Variants in CHCHD3 observed in about 807,000 individuals in gnomAD.
CHCHD3 encodes the protein coiled-coil-helix-coiled-coil-helix domain containing 3.
CHCHD3 carries 20 observed loss-of-function variants against 38.2 expected under a neutral mutation model. The observed-to-expected ratio is 0.52, with a 90% CI of 0.37 to 0.76. The LOEUF (loss-of-function observed/expected upper bound fraction) is 0.76, where lower values mean the gene tolerates loss of function less well. CHCHD3 is among the 30% of genes least tolerant of loss of function. The pLI, the probability that CHCHD3 is intolerant of heterozygous loss-of-function variation, is 0.00. For synonymous variants in CHCHD3, 82 were observed against 100.0 expected, an observed-to-expected ratio of 0.82 and a Z score of 1.07; for missense variants, 245 against 279.2, an observed-to-expected ratio of 0.88 and a Z score of 0.87.
chr7:132,840,647 G>A (rs1807917457), intron 5 of CHCHD3, among the ~76,000 whole-genome samples: 1 of 152,158 alleles, frequency 6.6e-6, no homozygotes, highest in Non-Finnish European at 1.5e-5. Context: ...AGAGAGCTGT[G>A]AAATCTGTTA....
chr7:133,081,001 G>A (rs1260067293), intron 1 of CHCHD3, among the ~76,000 whole-genome samples: 1 of 152,114 alleles, frequency 6.6e-6, no homozygotes, highest in Non-Finnish European at 1.5e-5. Context: ...CCAAATTCAG[G>A]CGCAGCGGAG....
intron 5 of CHCHD3, among the ~76,000 whole-genome samples, chr7:132,860,448 C>T (rs534911178): frequency 1.3e-5 from 2 of 152,104 alleles, no homozygotes; most frequent in African/African-American, 4.8e-5. Context: ...GCCAGAGATA[C>T]AGGAATCATC....
At chr7:133,050,367 A>AAAAAAAAAAAAC in intron 2 of CHCHD3, among the ~76,000 whole-genome samples, 1 of 144,668 alleles carries the variant, frequency 6.9e-6, no homozygotes, top group Non-Finnish European at 1.5e-5. Context: ...AAAAAAAAAA[A>AAAAAAAAAAAAC]AAAAAAAATG....
intron 6 of CHCHD3, among the ~76,000 whole-genome samples, chr7:132,821,479 G>A (rs1807372600): frequency 6.6e-6 from 1 of 152,024 alleles, no homozygotes; most frequent in Non-Finnish European, 1.5e-5. Context: ...TGACATTATG[G>A]CGTGGAAAAA....
At chr7:132,854,607 T>A (rs1340961156) in intron 5 of CHCHD3, among the ~76,000 whole-genome samples, 1 of 152,180 alleles carries the variant, frequency 6.6e-6, no homozygotes, top group Non-Finnish European at 1.5e-5. Flanking sequence ...ACAAACCAAT[T>A]TTAAATTATG....
chr7:132,974,799 C>A (rs541645317), intron 4 of CHCHD3, among the ~76,000 whole-genome samples: 1 of 151,658 alleles, frequency 6.6e-6, no homozygotes. Flanking sequence ...ACTTGAACCC[C>A]GGAGGCGGAG....
At chr7:132,957,456 C>T (rs1811208961) in intron 4 of CHCHD3, among the ~76,000 whole-genome samples, 1 of 152,000 alleles carries the variant, frequency 6.6e-6, no homozygotes, top group African/African-American at 2.4e-5. Context: ...GGGCACACAC[C>T]CTCTGGGGCA....
intron 6 of CHCHD3, among the ~76,000 whole-genome samples, chr7:132,824,496 A>G (rs1807459623): frequency 6.6e-6 from 1 of 151,882 alleles, no homozygotes; most frequent in Admixed American, 6.6e-5. Flanking sequence ...TTTTCTGTTT[A>G]GTAAAGACAG....
At chr7:132,910,972 AAACT>A (rs1283556435) in intron 4 of CHCHD3, among the ~76,000 whole-genome samples, 1 of 152,238 alleles carries the variant, frequency 6.6e-6, no homozygotes, top group East Asian at 1.9e-4. Context: ...AGGAGAAGAA[AAACT>A]AACAGAAAAC....
intron 3 of CHCHD3, among the ~76,000 whole-genome samples, chr7:132,996,211 C>T (rs1226628523): frequency 6.6e-6 from 1 of 152,162 alleles, no homozygotes; most frequent in Non-Finnish European, 1.5e-5. Flanking sequence ...TTTCTTCTTT[C>T]CCCTAATGAA....
intron 6 of CHCHD3, among the ~76,000 whole-genome samples, chr7:132,818,596 GACAGTT>G (rs1315151480): frequency 6.6e-6 from 1 of 152,156 alleles, no homozygotes; most frequent in Non-Finnish European, 1.5e-5. Context: ...GTTCTTGATA[GACAGTT>G]ACCTGACTTG....
At chr7:132,957,157 G>A (rs1172987659) in intron 4 of CHCHD3, among the ~76,000 whole-genome samples, 1 of 152,184 alleles carries the variant, frequency 6.6e-6, no homozygotes, top group Non-Finnish European at 1.5e-5. Context: ...CCTGGAGGCT[G>A]GTTCTGACTC....
Position 132,864,146 on chromosome 7 carries a change from A to G in CHCHD3, c.453+21516T>C, listed in dbSNP as rs574286056. On this transcript the variant is annotated intron_variant, in intron 5 of 7. Coordinates refer to ENST00000262570, the MANE Select transcript of CHCHD3 (RefSeq NM_017812.4). ...CCTAGGCTTTGCACATATCCTTCTC[A>G]TTAAGCTTAATCATTTCTAGCTTTT... Among the ~76,000 whole-genome samples the G allele has an allele frequency of 2.6e-3, 397 of 152,292 alleles. 4 individuals are homozygous for G. Among genetic ancestry groups the G allele is most frequent in the African/African-American group, 9.1e-3 (378 of 41,556 alleles).
intron 5 of CHCHD3, among the ~76,000 whole-genome samples, chr7:132,877,676 GGT>G (rs1808946347): frequency 1.3e-5 from 2 of 152,010 alleles, no homozygotes; most frequent in Admixed American, 1.3e-4. Flanking sequence ...AATTAAAAGT[GGT>G]GTAGGCTTCT....
At chr7:132,872,450 C>G (rs1308555155) in intron 5 of CHCHD3, among the ~76,000 whole-genome samples, 1 of 152,186 alleles carries the variant, frequency 6.6e-6, no homozygotes, top group Non-Finnish European at 1.5e-5. Flanking sequence ...TCGCTTGTGA[C>G]TTCAATTTCT....
intron 5 of CHCHD3, among the ~76,000 whole-genome samples, chr7:132,855,285 C>G (rs941861562): frequency 6.6e-6 from 1 of 152,130 alleles, no homozygotes; most frequent in Non-Finnish European, 1.5e-5. Context: ...CTTAACCAAA[C>G]CACAATACCC....
At chr7:132,852,461 A>AGTG (rs1213978765) in intron 5 of CHCHD3, among the ~76,000 whole-genome samples, 1 of 152,190 alleles carries the variant, frequency 6.6e-6, no homozygotes, top group Non-Finnish European at 1.5e-5. Flanking sequence ...TGTTTCTCAA[A>AGTG]TTTGTAAGGT....
intron 2 of CHCHD3, among the ~76,000 whole-genome samples, chr7:133,031,029 T>C (rs1221929814): frequency 3.9e-5 from 6 of 152,200 alleles, no homozygotes; most frequent in Non-Finnish European, 5.9e-5. Flanking sequence ...AAGGTTTGCC[T>C]AGGAATCTTT....
Position 133,003,961 on chromosome 7 carries a change from A to ATTT in CHCHD3, c.251+20582_251+20584dup, listed in dbSNP as rs35444691. On this transcript the variant is annotated intron_variant, in intron 3 of 7. Coordinates refer to ENST00000262570, the MANE Select transcript of CHCHD3 (RefSeq NM_017812.4). ...TTTGAACCTGAAAGATATCTTAAAGATTTTTTTTTTTTTGAGACGGAGTTT... is the reference window on the plus strand; with the variant it reads ...TTTGAACCTGAAAGATATCTTAAAGATTTTTTTTTTTTTTTTGAGACGGAGTTT... 3.0e-4 allele frequency among the ~76,000 whole-genome samples: 45 copies of ATTT among 147,712 alleles called. 1 individual carries two copies. The Middle Eastern group carries it at 0.014, about 45-fold the overall frequency.
Sources: gnomAD v4.1 joint callset for allele counts (sites outside exome capture counted in the v4.1 genomes callset) on GRCh38, gnomAD v4.1.1 for gene constraint, MANE v1.5 for transcripts, NCBI Gene and HGNC (gene_info 2026-07-23, HGNC 2026-07-21) for gene names.